Variants in JAK1 observed in about 807,000 individuals in gnomAD.
JAK1 encodes the protein tyrosine-protein kinase JAK1.
A neutral mutation model predicts 136.6 loss-of-function variants in JAK1; 16 were observed. That is an observed-to-expected ratio of 0.12 (90% CI 0.08 to 0.18). JAK1 has a LOEUF of 0.18. JAK1 is among the 10% of genes least tolerant of loss of function. The pLI is 1.00. For synonymous variants in JAK1, 492 were observed against 519.5 expected (o/e 0.95, Z 0.72); for missense variants, 859 against 1,450.1 (o/e 0.59, Z 6.62).
chr1:64,917,620 T>C (rs1557690674), intron 1 of JAK1, among the ~76,000 whole-genome samples: 1 of 152,164 alleles, frequency 6.6e-6, no homozygotes. Context: ...ACCAAATTCC[T>C]AATGGAATTT....
In JAK1 at chr1:64,835,976, G is replaced by C. The variant is rs923055358; in HGVS notation, c.3258+122C>G. 2.4e-5 allele frequency: 16 copies of C among 666,614 alleles called. No individual in the cohort carries two copies. In the South Asian group the frequency reaches 3.1e-4, roughly 13 times the overall value. 41.3% of individuals were successfully genotyped at this position (666,614 alleles called of 1,614,324 possible). On this transcript the variant is annotated intron_variant, in intron 23 of 24. Transcript: ENST00000342505. ...AGTAGCAAACCAAGTTAATGGGAAA[G>C]TGACATTTTCCATTATAATACATTC...
At chr1:65,026,034 A>C (rs1470687096) in intron 2 of JAK1, among the ~76,000 whole-genome samples, 1 of 152,148 alleles carries the variant, frequency 6.6e-6, no homozygotes, top group Non-Finnish European at 1.5e-5. Context: ...TCATTCCAGC[A>C]TCATAGGTTG....
At chr1:64,985,547 T>C in intron 2 of JAK1, 1 of 1,288,810 alleles carries the variant, frequency 7.8e-7, no homozygotes, top group Non-Finnish European at 1.1e-6. Flanking sequence ...GCACAGGCCA[T>C]AGGTCTTCAG....
At chr1:65,015,661 A>T (rs1328220460) in intron 2 of JAK1, among the ~76,000 whole-genome samples, 1 of 152,208 alleles carries the variant, frequency 6.6e-6, no homozygotes, top group Non-Finnish European at 1.5e-5. Context: ...GAGAAAACTT[A>T]TAGATATTCA....
At chr1:65,055,963 A>C (rs1410873235) in intron 1 of JAK1, among the ~76,000 whole-genome samples, 1 of 152,236 alleles carries the variant, frequency 6.6e-6, no homozygotes, top group Non-Finnish European at 1.5e-5. Flanking sequence ...TAACGGGGAA[A>C]ACAGGAAGAT....
intron 1 of JAK1, among the ~76,000 whole-genome samples, chr1:64,919,285 C>T (rs1048774605): frequency 4.6e-5 from 7 of 152,070 alleles, no homozygotes; most frequent in East Asian, 1.9e-4. Context: ...TTTGTCCTTG[C>T]GACAGTTTGC....
Position 64,833,997 on chromosome 1 carries a change from C to G in JAK1, c.*565G>C. On this transcript the variant is annotated 3_prime_UTR_variant, in exon 25 of 25. Coordinates refer to ENST00000342505, the MANE Select transcript of JAK1 (RefSeq NM_002227.4). ...CCACTGGAGAAACAAAGTTTAAGTC[C>G]TACTGGTGAGAGAATACAGTCATTT... The G allele has an allele frequency of 4.3e-6, 1 of 232,334 alleles. No individual in the cohort carries two copies. The highest frequency in any genetic ancestry group is 8.5e-6 in the Non-Finnish European group (1 of 117,812). 14.4% of individuals were successfully genotyped at this position (232,334 alleles called of 1,614,324 possible).
chr1:65,062,159 C>G (rs1647821079), intron 1 of JAK1, among the ~76,000 whole-genome samples: 1 of 152,238 alleles, frequency 6.6e-6, no homozygotes, highest in East Asian at 1.9e-4. Context: ...AAATACATGA[C>G]TGGCCCATAT....
rs535663762 is a variant in JAK1 at position 65,026,833 on chromosome 1, G to A, written c.-78+17647C>T. Among the ~76,000 whole-genome samples, 33 of 151,896 alleles carry A rather than the reference G, an allele frequency of 2.2e-4. 1 individual carries two copies. Among genetic ancestry groups the A allele is most frequent in the East Asian group, 6.0e-4 (3 of 5,034 alleles). On this transcript the variant is annotated intron_variant, in intron 2 of 25. Transcript: ENST00000671954. ...AATACAAAAATTAGCCAGGCATGGC[G>A]GAGTGCACCTCTGGAGCCAGAGGCA...
intron 1 of JAK1, among the ~76,000 whole-genome samples, chr1:64,895,530 G>C (rs982122275): frequency 6.6e-6 from 1 of 152,196 alleles, no homozygotes; most frequent in Non-Finnish European, 1.5e-5. Flanking sequence ...ATATGAAACA[G>C]TGAGACATAT....
At chr1:65,008,288 T>G (rs1296019422) in intron 2 of JAK1, among the ~76,000 whole-genome samples, 1 of 152,180 alleles carries the variant, frequency 6.6e-6, no homozygotes, top group African/African-American at 2.4e-5. Context: ...GTGTATGGTG[T>G]GTCCTAGTAA....
At chr1:64,916,039 C>T (rs1489784332) in intron 1 of JAK1, among the ~76,000 whole-genome samples, 1 of 152,170 alleles carries the variant, frequency 6.6e-6, no homozygotes, top group East Asian at 1.9e-4. Context: ...TGGGAGTTCC[C>T]CAATGAATGG....
Position 64,850,788 on chromosome 1 carries a change from T to G in JAK1, c.1755+16A>C, listed in dbSNP as rs762867486. The stretch of plus-strand genomic sequence containing the variant: ...GCAGGACCACAGCTGGCCCACACCC[T>G]GCAGCCGTGACTCACCTGCACCAGA... On this transcript the variant is annotated intron_variant, in intron 12 of 24. Coordinates refer to ENST00000342505, the MANE Select transcript of JAK1 (RefSeq NM_002227.4). 1 of 1,585,846 alleles carries G rather than the reference T, an allele frequency of 6.3e-7. No individual in the cohort carries two copies. Among genetic ancestry groups the G allele is most frequent in the South Asian group, 1.1e-5 (1 of 90,320 alleles).
intron 2 of JAK1, among the ~76,000 whole-genome samples, chr1:65,013,162 G>A (rs1217811103): frequency 6.7e-6 from 1 of 149,664 alleles, no homozygotes; most frequent in Non-Finnish European, 1.5e-5. Context: ...TTGGGAGGCT[G>A]AGGTGGGCAG....
intron 2 of JAK1, among the ~76,000 whole-genome samples, chr1:65,006,378 G>C (rs1646804059): frequency 6.6e-6 from 1 of 152,020 alleles, no homozygotes; most frequent in Non-Finnish European, 1.5e-5. Flanking sequence ...ATTTTTTAAA[G>C]ATGTGGTCTT....
chr1:65,029,154 T>C (rs1647002718), intron 2 of JAK1, among the ~76,000 whole-genome samples: 1 of 152,116 alleles, frequency 6.6e-6, no homozygotes, highest in Non-Finnish European at 1.5e-5. Context: ...TAGAGGGCAG[T>C]GGCATGATCA....
chr1:64,931,331 G>A (rs1028360336), intron 1 of JAK1, among the ~76,000 whole-genome samples: 10 of 151,922 alleles, frequency 6.6e-5, no homozygotes, highest in South Asian at 2.1e-4. Flanking sequence ...TTGTTCAACC[G>A]CACTCCATGC....
At chr1:65,044,716 T>TG (rs1339516388) in intron 1 of JAK1, among the ~76,000 whole-genome samples, 1 of 152,098 alleles carries the variant, frequency 6.6e-6, no homozygotes, top group African/African-American at 2.4e-5. Flanking sequence ...AGGGGAGAGA[T>TG]GTACACGCAG....
At chr1:64,887,416 T>C (rs1644868394) in intron 1 of JAK1, among the ~76,000 whole-genome samples, 1 of 152,210 alleles carries the variant, frequency 6.6e-6, no homozygotes, top group African/African-American at 2.4e-5. Context: ...GAACAGCACT[T>C]AGAAACTAGC....
Sources: allele counts gnomAD v4.1 joint callset (sites outside exome capture counted in the v4.1 genomes callset), GRCh38; gene constraint gnomAD v4.1.1; transcripts MANE v1.5; gene names NCBI Gene and HGNC (gene_info 2026-07-23, HGNC 2026-07-21).